Variants in FSTL5 observed in about 807,000 individuals in gnomAD.
FSTL5 encodes follistatin-related protein 5.
Under a neutral mutation model 89.1 loss-of-function variants are expected in FSTL5, and 62 were observed. The observed-to-expected ratio is 0.70, with a 90% CI of 0.57 to 0.86. The LOEUF (loss-of-function observed/expected upper bound fraction) is 0.86, where lower values mean the gene tolerates loss of function less well. Among genes scored for constraint, FSTL5 ranks in the 40% least tolerant of loss-of-function variants. FSTL5 has a pLI of 0.00. For missense variants in FSTL5, 1,057 were observed against 1,001.6 expected, an observed-to-expected ratio of 1.06 and a Z score of -0.75; for synonymous variants, 383 against 346.2, an observed-to-expected ratio of 1.11 and a Z score of -1.18.
chr4:161,555,723 T>A (rs1732363797), intron 8 of FSTL5, among the ~76,000 whole-genome samples: 1 of 151,632 alleles, frequency 6.6e-6, no homozygotes, highest in South Asian at 2.1e-4. Flanking sequence ...GGAAACACTC[T>A]CTGGTAAATT....
At chr4:161,529,306 A>G (rs10023682) in intron 10 of FSTL5, among the ~76,000 whole-genome samples, 4,394 of 142,956 alleles carry the variant, frequency 0.031, 586 homozygotes, top group African/African-American at 0.1. Flanking sequence ...AAGTCACAAG[A>G]CAGGTATTTT....
At chr4:161,721,526 G>T (rs1009129208) in intron 6 of FSTL5, among the ~76,000 whole-genome samples, 1 of 151,996 alleles carries the variant, frequency 6.6e-6, no homozygotes, top group African/African-American at 2.4e-5. Flanking sequence ...TTTTTTGAAT[G>T]TCAGTCATAC....
intron 7 of FSTL5, among the ~76,000 whole-genome samples, chr4:161,598,354 G>T (rs1291381847): frequency 6.7e-6 from 1 of 148,868 alleles, no homozygotes; most frequent in Non-Finnish European, 1.5e-5. Flanking sequence ...CAGCCTCAGT[G>T]ACAGAGTGAG....
chr4:162,096,690 G>A (rs1730765412), intron 2 of FSTL5, among the ~76,000 whole-genome samples: 2 of 151,858 alleles, frequency 1.3e-5, no homozygotes, highest in South Asian at 4.1e-4. Context: ...GACAAGTAAT[G>A]TAGCTTTAAT....
intron 3 of FSTL5, among the ~76,000 whole-genome samples, chr4:162,012,379 C>A (rs1656852397): frequency 6.6e-6 from 1 of 152,024 alleles, no homozygotes; most frequent in Non-Finnish European, 1.5e-5. Flanking sequence ...GAATTTTATT[C>A]TTTTGCATTG....
chr4:161,900,657 AAGAAAGAAAG>A (rs755983546), intron 4 of FSTL5, among the ~76,000 whole-genome samples: 14 of 96,202 alleles, frequency 1.5e-4, no homozygotes, highest in African/African-American at 4.8e-4. Flanking sequence ...AAAAAAAAAA[AAGAAAGAAAG>A]AAAGAAAGAA....
intron 4 of FSTL5, among the ~76,000 whole-genome samples, chr4:161,904,013 AG>A (rs1351918338): frequency 1.3e-5 from 2 of 152,158 alleles, no homozygotes; most frequent in Non-Finnish European, 2.9e-5. Flanking sequence ...ATTAGTAAAA[AG>A]AAAAATTTCC....
At chr4:161,782,319 A>G (rs1173824213) in intron 4 of FSTL5, among the ~76,000 whole-genome samples, 1 of 152,182 alleles carries the variant, frequency 6.6e-6, no homozygotes, top group Non-Finnish European at 1.5e-5. Flanking sequence ...AAGCTGTCAA[A>G]GTCTCTTCCA....
At chr4:161,974,413 A>C (rs1295554223) in intron 3 of FSTL5, among the ~76,000 whole-genome samples, 2 of 145,894 alleles carry the variant, frequency 1.4e-5, no homozygotes, top group South Asian at 2.2e-4. Flanking sequence ...GATATAGATC[A>C]ATGGAACAGA....
chr4:161,385,778 C>T lies in FSTL5; in HGVS notation c.2513G>A (p.Gly838Glu). Residue 838 changes from glycine to glutamate, a missense_variant, in exon 16 of 16, where the codon GGA (glycine) becomes GAA (glutamate). Physicochemically the swap from Gly to Glu is moderately conservative, Grantham distance 98. Transcript: ENST00000306100. ...LNCEITEVEK[G>E]NTVIWVGDA ...ATCTCCAACCCAAATGACTGTATTT[C>T]CTTTTTCAACTTCAGTGATCTCACA... 6.2e-7 allele frequency: 1 copy of T among 1,607,006 alleles called. No individual in the cohort carries two copies. Among genetic ancestry groups the T allele is most frequent in the Non-Finnish European group, 8.5e-7 (1 of 1,177,574 alleles).
At chr4:161,620,279 T>G (rs557872046) in intron 7 of FSTL5, among the ~76,000 whole-genome samples, 7 of 151,856 alleles carry the variant, frequency 4.6e-5, no homozygotes, top group Middle Eastern at 3.4e-3. Flanking sequence ...GCATGGCACA[T>G]GTATACATTT....
chr4:161,614,263 A>G (rs1471007005), intron 7 of FSTL5, among the ~76,000 whole-genome samples: 1 of 152,172 alleles, frequency 6.6e-6, no homozygotes, highest in African/African-American at 2.4e-5. Context: ...AAAAATTTTC[A>G]ATCTTGTTCT....
At chr4:161,531,729 TAA>T (rs1316495506) in intron 10 of FSTL5, among the ~76,000 whole-genome samples, 4 of 152,248 alleles carry the variant, frequency 2.6e-5, no homozygotes, top group East Asian at 3.9e-4. Context: ...TTTTAAATGT[TAA>T]GAGAGATAAT....
chr4:161,404,269 G>A (rs1265777834), intron 15 of FSTL5, among the ~76,000 whole-genome samples: 4 of 152,128 alleles, frequency 2.6e-5, no homozygotes, highest in Non-Finnish European at 5.9e-5. Context: ...GATTACAATT[G>A]GGCCAATCAG....
At position 161,390,900 on chromosome 4, in the gene FSTL5, T is replaced by A. The variant is rs1336443493; in HGVS notation, c.1842-4451A>T. The stretch of plus-strand genomic sequence containing the variant: ...TTTACCCACTGAGGCTCAATCTCCA[T>A]ACAAACAGCTGGGAAAGGACCAAAT... On this transcript the variant is annotated intron_variant, in intron 15 of 15. Transcript: ENST00000306100. Among the ~76,000 whole-genome samples, 13 of 152,272 alleles carry A rather than the reference T, an allele frequency of 8.5e-5. 1 individual carries two copies. In the South Asian group the frequency reaches 2.5e-3, roughly 29 times the overall value.
chr4:161,930,496 T>C (rs1020396217), intron 3 of FSTL5, among the ~76,000 whole-genome samples: 7 of 149,654 alleles, frequency 4.7e-5, no homozygotes, highest in Admixed American at 1.3e-4. Context: ...TATCAGTCAT[T>C]TTTAAAGCTT....
At chr4:161,683,766 G>T (rs1737607123) in intron 6 of FSTL5, among the ~76,000 whole-genome samples, 1 of 152,056 alleles carries the variant, frequency 6.6e-6, no homozygotes, top group African/African-American at 2.4e-5. Context: ...TATTTCCATA[G>T]GTTATTGGGG....
At chr4:161,830,282 CA>C (rs1304257208) in intron 4 of FSTL5, among the ~76,000 whole-genome samples, 9 of 152,014 alleles carry the variant, frequency 5.9e-5, no homozygotes, top group Non-Finnish European at 1.3e-4. Context: ...AACAGGCTGC[CA>C]ACTAATTCCA....
intron 6 of FSTL5, among the ~76,000 whole-genome samples, chr4:161,720,797 A>C (rs1739171511): frequency 6.6e-6 from 1 of 152,200 alleles, no homozygotes; most frequent in Non-Finnish European, 1.5e-5. Flanking sequence ...TCCACTTATA[A>C]GACAAACCCA....
Sources: allele counts gnomAD v4.1 joint callset (sites outside exome capture counted in the v4.1 genomes callset), GRCh38; gene constraint gnomAD v4.1.1; transcripts MANE v1.5; gene names NCBI Gene and HGNC (gene_info 2026-07-23, HGNC 2026-07-21).